The following IQGAP2 variants were observed in gnomAD, a reference collection of about 807,000 sequenced individuals.
IQGAP2 encodes IQ motif containing GTPase activating protein 2.
In IQGAP2, 173 loss-of-function variants were observed where a neutral mutation model predicts 201.3. The observed-to-expected ratio is 0.86, with a 90% confidence interval of 0.76 to 0.98. The LOEUF (loss-of-function observed/expected upper bound fraction) is 0.98. Among genes scored for constraint, IQGAP2 ranks in the 50% least tolerant of loss-of-function variants. The pLI is 0.00. For missense variants in IQGAP2, 1,687 were observed against 1,864.8 expected (o/e 0.90, Z 1.76); for synonymous variants, 675 against 673.9 (o/e 1.00, Z -0.03).
intron 2 of IQGAP2, among the ~76,000 whole-genome samples, chr5:76,508,685 TTTTTG>T (rs1338043129): frequency 6.6e-6 from 1 of 151,946 alleles, no homozygotes; most frequent in Admixed American, 6.6e-5. Context: ...TCTGGTTTTT[TTTTTG>T]TTTTGTTTTG....
intron 1 of IQGAP2, among the ~76,000 whole-genome samples, chr5:76,416,909 G>T (rs573264264): frequency 6.6e-6 from 1 of 151,974 alleles, no homozygotes; most frequent in African/African-American, 2.4e-5. Context: ...GCTCACTGCA[G>T]CCTCCAGCTC....
Position 76,707,557 on chromosome 5 carries a change from A to C in IQGAP2, c.*244A>C. On this transcript the variant is annotated 3_prime_UTR_variant, in exon 36 of 36. Coordinates refer to ENST00000274364, the MANE Select transcript of IQGAP2 (RefSeq NM_006633.5). ...ACTGTACTGTGATATAGGTACTCTG[A>C]TTTAAAACTTTGGACATCCTGTGAT... is the stretch of plus-strand genomic sequence containing the variant. The C allele has an allele frequency of 2.8e-6, 1 of 354,772 alleles. No homozygotes were observed. The highest frequency in any genetic ancestry group is 5.1e-6 in the Non-Finnish European group (1 of 197,724). 22.0% of individuals were successfully genotyped at this position (354,772 alleles called of 1,614,324 possible).
intron 1 of IQGAP2, among the ~76,000 whole-genome samples, chr5:76,407,665 T>C (rs982913454): frequency 6.6e-6 from 1 of 152,238 alleles, no homozygotes; most frequent in African/African-American, 2.4e-5. Context: ...GTTTTAACTT[T>C]AATTACACAT....
At position 76,403,340 on chromosome 5, in the gene IQGAP2, C is replaced by T; in HGVS notation, c.-206C>T. The T allele has an allele frequency of 2.5e-6, 1 of 400,874 alleles. No individual in the cohort carries two copies. Among genetic ancestry groups the T allele is most frequent in the Non-Finnish European group, 4.4e-6 (1 of 228,958 alleles). The allele number at this position is 400,874 out of a possible 1,614,324, so 24.8% of individuals were successfully genotyped here. A position where few individuals can be genotyped will look rare whatever the true frequency, so the allele number is the denominator to read the frequency against. On this transcript the variant is annotated 5_prime_UTR_variant, in exon 1 of 36. Transcript: ENST00000274364. The surrounding 1 kb of genome is among the most constrained non-coding windows in gnomAD (Gnocchi z 4.8). The stretch of plus-strand genomic sequence containing the variant: ...CCAGGGAGCGAGGGAGGAGAGTTCA[C>T]TTTTACTTCAGTGTCAGCGCGCGGC...
intron 8 of IQGAP2, among the ~76,000 whole-genome samples, chr5:76,592,147 C>T (rs62362017): frequency 0.16 from 24,166 of 152,164 alleles, 2,088 homozygotes; most frequent in Admixed American, 0.28. Context: ...GGTTACAAAA[C>T]TGATCTTTAA....
intron 3 of IQGAP2, among the ~76,000 whole-genome samples, chr5:76,566,496 G>A (rs547615661): frequency 6.6e-6 from 1 of 152,302 alleles, no homozygotes; most frequent in Admixed American, 6.5e-5. Context: ...ATGAGGCCAG[G>A]AAGAGCAGAG....
intron 1 of IQGAP2, among the ~76,000 whole-genome samples, chr5:76,406,194 G>A (rs1431190484): frequency 6.6e-6 from 1 of 152,160 alleles, no homozygotes; most frequent in Non-Finnish European, 1.5e-5. Context: ...ATAATAAATT[G>A]TACTTGAGGG....
At chr5:76,613,981 C>A (rs1748654716) in intron 13 of IQGAP2, among the ~76,000 whole-genome samples, 1 of 152,200 alleles carries the variant, frequency 6.6e-6, no homozygotes, top group Non-Finnish European at 1.5e-5. Context: ...GCATGAGCCA[C>A]CGCACCCGGC....
intron 2 of IQGAP2, among the ~76,000 whole-genome samples, chr5:76,546,123 G>T (rs1743080925): frequency 6.6e-6 from 1 of 152,188 alleles, no homozygotes; most frequent in Admixed American, 6.5e-5. Context: ...ATGAACACAG[G>T]TGTCTATATC....
Position 76,512,360 on chromosome 5 carries a change from G to A in IQGAP2, c.147-50036G>A, listed in dbSNP as rs541273445. 9.2e-4 allele frequency among the ~76,000 whole-genome samples: 140 copies of A among 152,318 alleles called. 2 individuals carry two copies. The South Asian group carries it at 0.027, about 30-fold the overall frequency. ...AGAAGGAAAATTTAAAACCTTAGGAGGATTGGGAGCTTCACGAGTTCATGA... is the reference window on the plus strand; with the variant it reads ...AGAAGGAAAATTTAAAACCTTAGGAAGATTGGGAGCTTCACGAGTTCATGA... On this transcript the variant is annotated intron_variant, in intron 2 of 35. Transcript: ENST00000274364.
chr5:76,463,594 A>G (rs1345615413), intron 2 of IQGAP2, among the ~76,000 whole-genome samples: 1 of 152,210 alleles, frequency 6.6e-6, no homozygotes, highest in Non-Finnish European at 1.5e-5. Flanking sequence ...GTATAAATGT[A>G]GCTTGAAAGC....
chr5:76,609,847 G>A (rs918830429), intron 12 of IQGAP2, among the ~76,000 whole-genome samples: 13 of 149,514 alleles, frequency 8.7e-5, no homozygotes, highest in Admixed American at 2.7e-4. Context: ...ATATATGTGT[G>A]TGTGTGTGTG....
intron 1 of IQGAP2, among the ~76,000 whole-genome samples, chr5:76,452,320 C>T (rs1261961356): frequency 6.6e-6 from 1 of 150,926 alleles, no homozygotes; most frequent in Non-Finnish European, 1.5e-5. Context: ...TATACATGTG[C>T]CATGTTGGTG....
rs568153396 is a variant in IQGAP2, at chr5:76,481,762, C to T, written c.146+20093C>T. Among the ~76,000 whole-genome samples the T allele has an allele frequency of 3.4e-4, 52 of 152,298 alleles. 1 individual carries two copies. The highest frequency in any genetic ancestry group is 3.4e-3 in the Middle Eastern group (1 of 294). ...TCTTTACTAACTGATGTGTATTTTA[C>T]GCTTACAGGACACTGCAGCTCAGAC... On this transcript the variant is annotated intron_variant, in intron 2 of 35. Coordinates refer to ENST00000274364, the MANE Select transcript of IQGAP2 (RefSeq NM_006633.5).
At chr5:76,636,697 A>G (rs1751154901) in intron 15 of IQGAP2, among the ~76,000 whole-genome samples, 1 of 152,206 alleles carries the variant, frequency 6.6e-6, no homozygotes, top group African/African-American at 2.4e-5. Flanking sequence ...TCCTTTGTCT[A>G]CATGTGTTGT....
chr5:76,465,509 G>C (rs1489754240), intron 2 of IQGAP2, among the ~76,000 whole-genome samples: 3 of 152,190 alleles, frequency 2.0e-5, no homozygotes, highest in African/African-American at 7.2e-5. Context: ...GTTTAACATT[G>C]TACTGGAGAT....
chr5:76,583,981 T>G (rs1023839005), intron 5 of IQGAP2, among the ~76,000 whole-genome samples: 4 of 152,066 alleles, frequency 2.6e-5, no homozygotes, highest in Admixed American at 6.5e-5. Context: ...CAAGCAATTC[T>G]CCTGCCTCAG....
chr5:76,526,005 A>G (rs549829159), intron 2 of IQGAP2, among the ~76,000 whole-genome samples: 1 of 152,374 alleles, frequency 6.6e-6, no homozygotes, highest in African/African-American at 2.4e-5. Context: ...AGGCTAATGC[A>G]AAGTAAAATG....
chr5:76,618,216 A>G (rs1287500584), intron 13 of IQGAP2: 1 of 1,614,114 alleles, frequency 6.2e-7, no homozygotes, highest in Non-Finnish European at 8.5e-7. Flanking sequence ...CCGGCACAGG[A>G]CCTCTCCAAA....
Sources: gnomAD v4.1 joint callset for allele counts (sites outside exome capture counted in the v4.1 genomes callset) on GRCh38, gnomAD v4.1.1 for gene constraint, Gnocchi (gnomAD v3.1) non-coding constraint, MANE v1.5 for transcripts, NCBI Gene and HGNC (gene_info 2026-07-23, HGNC 2026-07-21) for gene names.